The following FOXP4 variants were observed in gnomAD, a reference collection of about 807,000 sequenced individuals.
The protein encoded by FOXP4 is forkhead box protein P4.
A neutral mutation model predicts 82.6 loss-of-function variants in FOXP4; 25 were observed. That is an observed-to-expected ratio of 0.30 (90% CI 0.22 to 0.42). FOXP4 has a LOEUF of 0.42. Ranked by LOEUF, FOXP4 falls within the 10% of genes least tolerant of loss-of-function variation. FOXP4 has a pLI of 1.00. For missense variants in FOXP4, 785 were observed against 900.9 expected (o/e 0.87, Z 1.65); for synonymous variants, 415 against 388.2 (o/e 1.07, Z -0.81).
At chr6:41,568,545 A>G (rs1765010187) in intron 2 of FOXP4, among the ~76,000 whole-genome samples, 1 of 152,200 alleles carries the variant, frequency 6.6e-6, no homozygotes, top group South Asian at 2.1e-4. Flanking sequence ...AGAGCATTTC[A>G]TTTCCAACCT....
intron 2 of FOXP4, among the ~76,000 whole-genome samples, chr6:41,574,841 G>T (rs1158681815): frequency 6.6e-6 from 1 of 152,204 alleles, no homozygotes; most frequent in Non-Finnish European, 1.5e-5. Context: ...AGTTAGTGCT[G>T]CCACCACCTC....
rs775161768 is a variant in FOXP4 at position 41,585,422 on chromosome 6, C to A, written c.424-9C>A. 31 of 1,607,086 alleles carry A rather than the reference C, an allele frequency of 1.9e-5. No homozygotes were observed. Among genetic ancestry groups the A allele is most frequent in the Non-Finnish European group, 2.6e-5 (31 of 1,175,238 alleles). The stretch of plus-strand genomic sequence containing the variant: ...CCCTGCCAGTGGTAACCCTCCTCCA[C>A]CCCCCCAGCTACAGGAGTACTACAA... On this transcript the variant is annotated splice_polypyrimidine_tract_variant and intron_variant, in intron 4 of 16. Transcript: ENST00000307972.
intron 14 of FOXP4, among the ~76,000 whole-genome samples, chr6:41,596,378 G>T (rs1261988459): frequency 6.6e-6 from 1 of 152,186 alleles, no homozygotes; most frequent in Non-Finnish European, 1.5e-5. Flanking sequence ...TTAGATGGAT[G>T]TCTCTGAGGT....
At chr6:41,587,673 C>T (rs965362671) in intron 7 of FOXP4, 120 bp from the exon 8 acceptor site, 8 of 909,804 alleles carry the variant, frequency 8.8e-6, no homozygotes, top group African/African-American at 3.3e-5. Flanking sequence ...GGTGCTTGGC[C>T]GCTGGGAAAC....
chr6:41,555,813 T>C (rs892771321), intron 1 of FOXP4, among the ~76,000 whole-genome samples: 7 of 152,222 alleles, frequency 4.6e-5, no homozygotes, highest in Non-Finnish European at 5.9e-5. Context: ...GGACATGCTG[T>C]AGTTAAGCGG....
At position 41,600,973 on chromosome 6, in the gene FOXP4, T is replaced by C. The variant is rs1237480847; in HGVS notation, c.*2037T>C. On this transcript the variant is annotated 3_prime_UTR_variant, in exon 17 of 17. Transcript: ENST00000307972. ...TGTTGGAGCAAGGCAGCTGATTTGC[T>C]GCAGGGATGGAGAGGACCACCGCCG... 6.6e-6 allele frequency: 1 copy of C among 152,286 alleles called. No individual in the cohort carries two copies. The highest frequency in any genetic ancestry group is 1.5e-5 in the Non-Finnish European group (1 of 68,072). The allele number at this position is 152,286 out of a possible 1,614,324, so 9.4% of individuals were successfully genotyped here. A position where few individuals can be genotyped will look rare whatever the true frequency, so the allele number is the denominator to read the frequency against.
chr6:41,562,542 T>C (rs1395219310), intron 1 of FOXP4, among the ~76,000 whole-genome samples: 1 of 152,144 alleles, frequency 6.6e-6, no homozygotes, highest in Non-Finnish European at 1.5e-5. Context: ...TCCTCCTCCT[T>C]CCTTCTTTCT....
chr6:41,570,167 A>G, intron 2 of FOXP4: 1 of 387,174 alleles, frequency 2.6e-6, no homozygotes, highest in Admixed American at 3.0e-5. Context: ...ATTTCTCTTC[A>G]GGACTGCTGG....
intron 3 of FOXP4, among the ~76,000 whole-genome samples, chr6:41,580,882 C>T (rs961800027): frequency 1.2e-4 from 19 of 152,244 alleles, no homozygotes; most frequent in African/African-American, 3.1e-4. Flanking sequence ...CTCCCAGCCA[C>T]GTTCACCATC....
In FOXP4 at chr6:41,558,818, G is replaced by A. The variant is rs912156399; in HGVS notation, c.-16-6927G>A. Reference sequence around the variant, plus strand: ...GCAGTTACTTGTAGGGCCAGGGCTCGTTGCTCTGAAAAGCCCTCTGTTTTA... The same window carrying A: ...GCAGTTACTTGTAGGGCCAGGGCTCATTGCTCTGAAAAGCCCTCTGTTTTA... On this transcript the variant is annotated intron_variant, in intron 1 of 16. Coordinates refer to ENST00000307972, the MANE Select transcript of FOXP4 (RefSeq NM_001012426.2). The surrounding 1 kb of genome is among the most constrained non-coding windows in gnomAD (Gnocchi z 4.0). Among the ~76,000 whole-genome samples, 3 of 152,158 alleles carry A rather than the reference G, an allele frequency of 2.0e-5. No homozygotes were observed. The highest frequency in any genetic ancestry group is 7.2e-5 in the African/African-American group (3 of 41,404).
At chr6:41,595,153 A>G (rs1398860367) in intron 14 of FOXP4, among the ~76,000 whole-genome samples, 162 bp downstream of exon 14, 1 of 152,230 alleles carries the variant, frequency 6.6e-6, no homozygotes. Flanking sequence ...GCTTGGGGAC[A>G]GGGGGCTGGA....
intron 5 of FOXP4, among the ~76,000 whole-genome samples, chr6:41,585,955 C>T (rs1766091701): frequency 6.6e-6 from 1 of 152,018 alleles, no homozygotes; most frequent in African/African-American, 2.4e-5. Context: ...CAGCTTCTTC[C>T]CCTTCTTCTT....
In FOXP4 at chr6:41,587,240, G is replaced by T. The variant is rs1581771678; in HGVS notation, c.659-59G>T. Reference sequence around the variant, plus strand: ...ACAGCTGGCAGCCCCTGTTCTTGGGGCCAGGTAGAAAGCCGAGTGTTCGTG... The same window carrying T: ...ACAGCTGGCAGCCCCTGTTCTTGGGTCCAGGTAGAAAGCCGAGTGTTCGTG... On this transcript the variant is annotated intron_variant, in intron 6 of 16. Coordinates refer to ENST00000307972, the MANE Select transcript of FOXP4 (RefSeq NM_001012426.2). 3.7e-6 allele frequency: 6 copies of T among 1,608,498 alleles called. No individual in the cohort carries two copies. The East Asian group carries it at 1.3e-4, about 36-fold the overall frequency.
In FOXP4 at chr6:41,598,918, G is replaced by A. The variant is rs929139143; in HGVS notation, c.2025G>A (p.Pro675=). The A allele has an allele frequency of 1.8e-5, 29 of 1,607,722 alleles. No individual in the cohort carries two copies. The highest frequency in any genetic ancestry group is 1.2e-4 in the Admixed American group (7 of 59,240). The change falls in exon 17 of 17, where the codon CCG becomes CCA. Residue 675 remains proline (P), a synonymous_variant. Transcript: ENST00000307972. ...ACAGGGACCTGGAGGAGGAGCTGCC[G>A]GGAGAAGAACTGTCCTAAGGGCCTG... is the stretch of plus-strand genomic sequence containing the variant. ...PEDRDLEEEL[P]GEELS
intron 7 of FOXP4, 130 bp from the exon 8 acceptor site, chr6:41,587,662 TG>T: frequency 1.1e-6 from 1 of 901,362 alleles, no homozygotes. Flanking sequence ...GGTGTACAGA[TG>T]GTGCTTGGCC....
In FOXP4 at chr6:41,595,009, T is replaced by A. The variant is rs1253620499; in HGVS notation, c.1658+18T>A. On this transcript the variant is annotated intron_variant, in intron 14 of 16. Transcript: ENST00000307972. ...ATGACAGGGTATGTGGGTCCAGAGCTGGATGGGCTGTACCTGCCCAGGGGG... is the reference window on the plus strand; with the variant it reads ...ATGACAGGGTATGTGGGTCCAGAGCAGGATGGGCTGTACCTGCCCAGGGGG... 4 of 1,613,582 alleles carry A rather than the reference T, an allele frequency of 2.5e-6. No homozygotes were observed. Among genetic ancestry groups the A allele is most frequent in the Non-Finnish European group, 3.4e-6 (4 of 1,179,902 alleles).
At chr6:41,550,076 C>G (rs1318327243) in intron 1 of FOXP4, among the ~76,000 whole-genome samples, 7 of 152,168 alleles carry the variant, frequency 4.6e-5, no homozygotes, top group Non-Finnish European at 7.3e-5. Context: ...TGACAGGACT[C>G]TCAGGCTCCG....
chr6:41,600,917 C>G lies in FOXP4; in HGVS notation c.*1981C>G, dbSNP rs1561814644. On this transcript the variant is annotated 3_prime_UTR_variant, in exon 17 of 17. Coordinates refer to ENST00000307972, the MANE Select transcript of FOXP4 (RefSeq NM_001012426.2). ...TCCCAATCCTTTGCCCTAGTTCTTT[C>G]ACTAGTTTGAAATCCAAGTTCTTGC... 6.6e-6 allele frequency: 1 copy of G among 152,270 alleles called. No individual in the cohort carries two copies. The highest frequency in any genetic ancestry group is 6.5e-5 in the Admixed American group (1 of 15,286). 9.4% of individuals were successfully genotyped at this position (152,270 alleles called of 1,614,324 possible). A position where few individuals can be genotyped will look rare whatever the true frequency, so the allele number is the denominator to read the frequency against.
intron 3 of FOXP4, 101 bp from the exon 4 acceptor site, chr6:41,584,668 C>T (rs1201849934): frequency 2.9e-5 from 40 of 1,390,338 alleles, no homozygotes; most frequent in Non-Finnish European, 3.6e-5. Flanking sequence ...CCCAGGCAGC[C>T]TCCCTGGGAG....
Sources: allele counts gnomAD v4.1 joint callset (sites outside exome capture counted in the v4.1 genomes callset), GRCh38; gene constraint gnomAD v4.1.1; non-coding constraint Gnocchi (gnomAD v3.1); transcripts MANE v1.5; gene names NCBI Gene and HGNC (gene_info 2026-07-23, HGNC 2026-07-21).